NOP9: variants seen among roughly 807,000 people sequenced by gnomAD.
NOP9 encodes NOP9 nucleolar protein, also known as nucleolar protein 9.
Under a neutral mutation model 63.0 loss-of-function variants are expected in NOP9, and 50 were observed. That is an observed-to-expected ratio of 0.79 (90% CI 0.63 to 1.00). The LOEUF (loss-of-function observed/expected upper bound fraction) is 1.00. NOP9 is among the 50% of genes least tolerant of loss of function. The pLI is 0.00. For synonymous variants in NOP9, 343 were observed against 332.8 expected (o/e 1.03, Z -0.33); for missense variants, 758 against 803.0 (o/e 0.94, Z 0.68).
Position 24,306,765 on chromosome 14 carries a change from C to A in NOP9, c.*1670C>A. Reference sequence around the variant, plus strand: ...GTCATTGGCATCTCCCCTTGCTCCCCTCCAAGTCACTTCTGGTTTGGAATT... The same window carrying A: ...GTCATTGGCATCTCCCCTTGCTCCCATCCAAGTCACTTCTGGTTTGGAATT... On this transcript the variant is annotated 3_prime_UTR_variant, in exon 10 of 10. Transcript: ENST00000267425. 1.9e-6 allele frequency: 1 copy of A among 534,552 alleles called. No individual in the cohort carries two copies. Among genetic ancestry groups the A allele is most frequent in the Non-Finnish European group, 3.4e-6 (1 of 297,594 alleles). The allele number at this position is 534,552 out of a possible 1,614,324, so 33.1% of individuals were successfully genotyped here. A position where few individuals can be genotyped will look rare whatever the true frequency, so the allele number is the denominator to read the frequency against.
chr14:24,304,948 C>T lies in NOP9; in HGVS notation c.1764C>T (p.Asn588=), dbSNP rs776234046. The T allele has an allele frequency of 6.5e-7, 1 of 1,547,792 alleles. No individual in the cohort carries two copies. The highest frequency in any genetic ancestry group is 1.2e-5 in the South Asian group (1 of 80,616). Residue 588 remains asparagine, a synonymous_variant, in exon 10 of 10, where the codon AAC becomes AAT. Coordinates refer to ENST00000267425, the MANE Select transcript of NOP9 (RefSeq NM_174913.3). ...TGGTTCCCTTTGCAGGGGAGCAGAA[C>T]CAGGAGCTGATAAGAGACCCTTTCG... ...KEIAAELGEQ[N]QELIRDPFGH...
the NOP9 span, among the ~76,000 whole-genome samples, chr14:24,288,812 G>A: frequency 1.3e-5 from 2 of 152,122 alleles, no homozygotes; most frequent in Non-Finnish European, 2.9e-5. Context: ...ATGCCATCAT[G>A]GAAAGTTTTG....
At chr14:24,293,591 AAAAG>A in the NOP9 span, 1 of 151,668 alleles carries the variant, frequency 6.6e-6, no homozygotes, top group Non-Finnish European at 1.5e-5. Context: ...TAAATAAATA[AAAAG>A]AAAGAGAACA....
upstream of NOP9, chr14:24,296,893 CAG>C (rs201499437): frequency 5.5e-4 from 883 of 1,614,146 alleles, 9 homozygotes; most frequent in East Asian, 0.015. Flanking sequence ...TGGAGTAGGA[CAG>C]GGGATATGAG....
At position 24,304,040 on chromosome 14, in the gene NOP9, G is replaced by C. The variant is rs2041427650; in HGVS notation, c.1411-1G>C. On this transcript the variant is annotated splice_acceptor_variant, in intron 7 of 9. Coordinates refer to ENST00000267425, the MANE Select transcript of NOP9 (RefSeq NM_174913.3). LOFTEE classifies it high-confidence loss of function. ...CTAATTTCTTATCTCTGCGCTGCCA[G>C]GTGGCAATGGCCGCAGCCAGAGCCT... 6.2e-7 allele frequency: 1 copy of C among 1,613,382 alleles called. No homozygotes were observed. Among genetic ancestry groups the C allele is most frequent in the African/African-American group, 1.3e-5 (1 of 74,920 alleles).
At chr14:24,291,452 G>A in the NOP9 span, 2 of 1,290,986 alleles carry the variant, frequency 1.5e-6, no homozygotes, top group Non-Finnish European at 1.1e-6. Flanking sequence ...AGAAAAGAAT[G>A]ACATGTTCCT....
At chr14:24,283,360 G>A in the NOP9 span, among the ~76,000 whole-genome samples, 1 of 152,162 alleles carries the variant, frequency 6.6e-6, no homozygotes, top group Non-Finnish European at 1.5e-5. Context: ...AGGCTGAGGC[G>A]GGCAGATCAC....
At chr14:24,296,426 G>A (rs1315402075), upstream of NOP9, 10 of 1,329,716 alleles carry the variant, frequency 7.5e-6, no homozygotes, top group Non-Finnish European at 1.1e-5. Flanking sequence ...GGAGGGAAAA[G>A]GAGAGGGCAT....
upstream of NOP9, among the ~76,000 whole-genome samples, chr14:24,297,588 C>G (rs143368705): frequency 1.2e-3 from 177 of 152,314 alleles, 1 homozygote; most frequent in African/African-American, 4.1e-3. Flanking sequence ...TCTTCATAAT[C>G]CAGCCAGTAC....
rs2041337560 is a variant in NOP9, at chr14:24,299,975, T to C, written c.21T>C (p.Ser7=). MGQGPR[S]PHKVGRRFPA... is the part of the protein sequence containing the mutation. ...CACACATGGGGCAGGGTCCGCGCTC[T>C]CCACACAAGGTGGGGCGCCGGTTCC... Residue 7 remains serine, a synonymous_variant, in exon 1 of 10, where the codon TCT becomes TCC. Transcript: ENST00000267425. 1 of 1,582,210 alleles carries C rather than the reference T, an allele frequency of 6.3e-7. No homozygotes were observed. The highest frequency in any genetic ancestry group is 8.6e-7 in the Non-Finnish European group (1 of 1,164,078).
intron 3 of NOP9, 67 bp from the exon 4 acceptor site, chr14:24,301,898 A>G: frequency 6.4e-7 from 1 of 1,551,912 alleles, no homozygotes; most frequent in Non-Finnish European, 8.8e-7. Flanking sequence ...TTGTTGCCTA[A>G]AGTTTGAGGT....
rs200020997 is a variant in NOP9 at position 24,306,382 on chromosome 14, G to T, written c.*1287G>T. On this transcript the variant is annotated 3_prime_UTR_variant, in exon 10 of 10. Transcript: ENST00000267425. Reference sequence around the variant, plus strand: ...CAGTATAGGCCTCTTACCCTTGTAGGGCTCCAGCTCTGACCAGACTGCAAC... The same window carrying T: ...CAGTATAGGCCTCTTACCCTTGTAGTGCTCCAGCTCTGACCAGACTGCAAC... 1.9e-5 allele frequency: 31 copies of T among 1,614,158 alleles called. No homozygotes were observed. Among genetic ancestry groups the T allele is most frequent in the Non-Finnish European group, 2.2e-5 (26 of 1,180,032 alleles).
chr14:24,305,094 G>A lies in NOP9; in HGVS notation c.1910G>A (p.Ter637=). The change falls in exon 10 of 10, where the codon TGA becomes TAA. Residue 637 remains the stop codon, a stop_retained_variant. Transcript: ENST00000267425. ...GCATTGAACTCCATACTTGAAGACT[G>A]AGGCTTTGGATCTGGGACTGGGTGT... ...RRALNSILED[*] is the part of the protein sequence containing the mutation. 6.6e-7 allele frequency: 1 copy of A among 1,505,066 alleles called. No homozygotes were observed. Among genetic ancestry groups the A allele is most frequent in the Non-Finnish European group, 8.9e-7 (1 of 1,121,294 alleles). 93.2% of individuals were successfully genotyped at this position (1,505,066 alleles called of 1,614,324 possible). A position where few individuals can be genotyped will look rare whatever the true frequency, so the allele number is the denominator to read the frequency against.
rs373512635 is a variant in NOP9, at chr14:24,306,379, T to C, written c.*1284T>C. ...CCCCAGTATAGGCCTCTTACCCTTGTAGGGCTCCAGCTCTGACCAGACTGC... is the reference window on the plus strand; with the variant it reads ...CCCCAGTATAGGCCTCTTACCCTTGCAGGGCTCCAGCTCTGACCAGACTGC... On this transcript the variant is annotated 3_prime_UTR_variant, in exon 10 of 10. Coordinates refer to ENST00000267425, the MANE Select transcript of NOP9 (RefSeq NM_174913.3). The C allele has an allele frequency of 2.5e-6, 4 of 1,614,212 alleles. No homozygotes were observed. The highest frequency in any genetic ancestry group is 1.6e-4 in the Middle Eastern group (1 of 6,062).
chr14:24,288,000 T>C, the NOP9 span, among the ~76,000 whole-genome samples: 3 of 152,244 alleles, frequency 2.0e-5, no homozygotes, highest in Admixed American at 6.5e-5. Flanking sequence ...AAGTGACTGT[T>C]CATGTGCCAT....
chr14:24,292,469 A>G, the NOP9 span: 1 of 1,468,968 alleles, frequency 6.8e-7, no homozygotes, highest in East Asian at 2.4e-5. Context: ...CACGCTCCCC[A>G]GTGTGATGCC....
upstream of NOP9, among the ~76,000 whole-genome samples, chr14:24,295,410 T>A (rs190043382): frequency 2.0e-5 from 3 of 152,058 alleles, no homozygotes; most frequent in Admixed American, 6.6e-5. Flanking sequence ...ACAAGTAGAG[T>A]TATAGTTTTA....
the NOP9 span, chr14:24,290,771 C>A: frequency 1.3e-6 from 2 of 1,550,742 alleles, no homozygotes; most frequent in Non-Finnish European, 1.8e-6. Flanking sequence ...TATGGGTAAA[C>A]AAGAAAGGCT....
At chr14:24,282,055 A>G in the NOP9 span, among the ~76,000 whole-genome samples, 1 of 152,188 alleles carries the variant, frequency 6.6e-6, no homozygotes, top group Non-Finnish European at 1.5e-5. Context: ...AAAATTAGCC[A>G]GGCATGATGT....
Sources: gnomAD v4.1 joint callset for allele counts (sites outside exome capture counted in the v4.1 genomes callset) on GRCh38, gnomAD v4.1.1 for gene constraint, MANE v1.5 for transcripts, NCBI Gene and HGNC (gene_info 2026-07-23, HGNC 2026-07-21) for gene names.